The following EXOC2 variants were observed in gnomAD, a reference collection of about 807,000 sequenced individuals.
EXOC2 encodes the protein SEC5-like 1.
In EXOC2, 70 loss-of-function variants were observed where a neutral mutation model predicts 131.8. The observed-to-expected ratio is 0.53, with a 90% CI of 0.44 to 0.65. The LOEUF (loss-of-function observed/expected upper bound fraction) is 0.65, where lower values mean the gene tolerates loss of function less well. Among genes scored for constraint, EXOC2 ranks in the 30% least tolerant of loss-of-function variants. The pLI, the probability that EXOC2 is intolerant of heterozygous loss-of-function variation, is 0.00. For synonymous variants in EXOC2, 411 were observed against 398.4 expected, an observed-to-expected ratio of 1.03 and a Z score of -0.38; for missense variants, 923 against 1,108.6, an observed-to-expected ratio of 0.83 and a Z score of 2.38.
chr6:645,294 C>T (rs1425851497), intron 1 of EXOC2, among the ~76,000 whole-genome samples: 1 of 149,162 alleles, frequency 6.7e-6, no homozygotes, highest in African/African-American at 2.5e-5. Context: ...AAAATTATTT[C>T]AAAATGGCTC....
chr6:529,809 T>C lies in EXOC2; in HGVS notation c.2380+2660A>G, dbSNP rs567898059. Among the ~76,000 whole-genome samples the C allele has an allele frequency of 4.6e-5, 7 of 152,274 alleles. No homozygotes were observed. The South Asian group carries it at 6.2e-4, about 14-fold the overall frequency. On this transcript the variant is annotated intron_variant, in intron 23 of 27. Transcript: ENST00000230449. The stretch of plus-strand genomic sequence containing the variant: ...GTAATAGTTTACATAACTAAACAGA[T>C]AGAATTGCTGATGTGTTAGATGTGT...
chr6:562,011 G>A (rs531670691), intron 17 of EXOC2, among the ~76,000 whole-genome samples: 3 of 152,340 alleles, frequency 2.0e-5, no homozygotes, highest in Non-Finnish European at 2.9e-5. Flanking sequence ...GCAAGTTATG[G>A]CTCCTGGGAG....
chr6:645,596 T>A (rs1413630024), intron 1 of EXOC2, among the ~76,000 whole-genome samples: 1 of 152,196 alleles, frequency 6.6e-6, no homozygotes, highest in Non-Finnish European at 1.5e-5. Flanking sequence ...CAACCCTTTT[T>A]TTTTTGAGCA....
At chr6:648,266 T>C (rs1181897560) in intron 1 of EXOC2, among the ~76,000 whole-genome samples, 2 of 152,230 alleles carry the variant, frequency 1.3e-5, no homozygotes, top group Admixed American at 6.5e-5. Context: ...CTTATGTTTG[T>C]TGATATGTTC....
At chr6:610,838 A>T (rs1376485778) in intron 6 of EXOC2, among the ~76,000 whole-genome samples, 1 of 152,182 alleles carries the variant, frequency 6.6e-6, no homozygotes, top group Non-Finnish European at 1.5e-5. Context: ...AAGCCACCTC[A>T]AATTTTCTTT....
At chr6:682,843 GAATTCCTCTGAGCATTAGTTTAAC>G (rs1490764423) in intron 1 of EXOC2, among the ~76,000 whole-genome samples, 4 of 152,118 alleles carry the variant, frequency 2.6e-5, no homozygotes, top group African/African-American at 7.2e-5. Context: ...CTGTGCTTCA[GAATTCCTCTGAGCATTAGTTTAAC>G]ATCATTAGCA....
intron 1 of EXOC2, among the ~76,000 whole-genome samples, chr6:661,756 T>A (rs1048843603): frequency 6.6e-6 from 1 of 151,614 alleles, no homozygotes; most frequent in Non-Finnish European, 1.5e-5. Context: ...AAAAAAAAAG[T>A]ACACAGGCCA....
In EXOC2 at chr6:640,607, A is replaced by AT. The variant is rs1164591275; in HGVS notation, c.-43-2747dup. Among the ~76,000 whole-genome samples, 10 of 152,274 alleles carry AT rather than the reference A, an allele frequency of 6.6e-5. No individual in the cohort carries two copies. The East Asian group carries it at 1.9e-3, about 29-fold the overall frequency. ...AACGAGGTCACATGGGTGGGTCCTA[A>AT]TCCAGTATGACTGGTGTCCTTATTG... On this transcript the variant is annotated intron_variant, in intron 1 of 27. Coordinates refer to ENST00000230449, the MANE Select transcript of EXOC2 (RefSeq NM_018303.6).
At chr6:627,577 C>T (rs376900531) in intron 4 of EXOC2, among the ~76,000 whole-genome samples, 3 of 152,258 alleles carry the variant, frequency 2.0e-5, no homozygotes, top group South Asian at 4.1e-4. Flanking sequence ...GCCAGGGATT[C>T]CTGTCCACAG....
intron 1 of EXOC2, among the ~76,000 whole-genome samples, chr6:686,363 AT>A (rs1764654840): frequency 2.0e-5 from 3 of 152,336 alleles, no homozygotes; most frequent in Admixed American, 2.0e-4. Context: ...ATTTGTTTAT[AT>A]TTTAATTCTT....
intron 12 of EXOC2, among the ~76,000 whole-genome samples, chr6:574,412 C>CA (rs1758467248): frequency 1.3e-5 from 2 of 152,006 alleles, no homozygotes; most frequent in South Asian, 4.1e-4. Flanking sequence ...GATAAACACT[C>CA]AGAGTTTTTG....
In EXOC2 at chr6:622,070, G is replaced by C. The variant is rs373130699; in HGVS notation, c.423-2527C>G. 5.9e-5 allele frequency among the ~76,000 whole-genome samples: 9 copies of C among 152,278 alleles called. No homozygotes were observed. The South Asian group carries it at 1.9e-3, about 32-fold the overall frequency. On this transcript the variant is annotated intron_variant, in intron 4 of 27. Coordinates refer to ENST00000230449, the MANE Select transcript of EXOC2 (RefSeq NM_018303.6). ...GCATCTGCCTGGAGCACTGTGTGAG[G>C]GATCACGGGCTTTGTCTCAACTCAG...
At position 599,153 on chromosome 6, in the gene EXOC2, T is replaced by C. The variant is rs1300897671; in HGVS notation, c.815A>G (p.Asn272Ser). The C allele has an allele frequency of 1.9e-6, 3 of 1,613,374 alleles. No homozygotes were observed. The highest frequency in any genetic ancestry group is 2.2e-5 in the East Asian group (1 of 44,804). Residue 272 changes from asparagine to serine, a missense_variant, in exon 8 of 28, where the codon AAT becomes AGT. Physicochemically the swap from Asn to Ser is conservative, Grantham distance 46. Transcript: ENST00000230449. ...GRKDKADSTR[N>S]ALNVLQRFKF... ...AAATCGCTGAAGCACATTGAGTGCA[T>C]TTCTAGTGGAATCTGCCTTGTCTTT...
intron 1 of EXOC2, among the ~76,000 whole-genome samples, chr6:687,353 T>C (rs1212038170): frequency 6.6e-6 from 1 of 151,836 alleles, no homozygotes; most frequent in Admixed American, 6.6e-5. Flanking sequence ...GCTAACTTTT[T>C]TCTAATTTTT....
chr6:550,534 GGCC>G (rs1757089258), intron 21 of EXOC2, among the ~76,000 whole-genome samples: 2 of 152,144 alleles, frequency 1.3e-5, no homozygotes, highest in African/African-American at 4.8e-5. Flanking sequence ...ACAAGCGAAC[GGCC>G]TTGAGTTACT....
intron 22 of EXOC2, 149 bp downstream of exon 22, chr6:549,026 T>G: frequency 1.5e-6 from 1 of 688,818 alleles, no homozygotes; most frequent in Admixed American, 2.1e-5. Context: ...CATCCAAAGC[T>G]TTAGCAGGGT....
intron 1 of EXOC2, among the ~76,000 whole-genome samples, chr6:655,553 C>A (rs1763034319): frequency 6.6e-6 from 1 of 152,120 alleles, no homozygotes; most frequent in Non-Finnish European, 1.5e-5. Context: ...ACCTAATAAG[C>A]AATTCAAACT....
At chr6:657,139 G>C in intron 1 of EXOC2, 1 of 425,492 alleles carries the variant, frequency 2.4e-6, no homozygotes, top group East Asian at 3.6e-5. Context: ...AGCCACGGAA[G>C]GGCCTCCCAA....
At chr6:575,920 G>A (rs1012148026) in intron 12 of EXOC2, among the ~76,000 whole-genome samples, 23 of 152,074 alleles carry the variant, frequency 1.5e-4, no homozygotes, top group Admixed American at 7.9e-4. Context: ...AATGAGAATC[G>A]GACAAGAAGA....
Sources: gnomAD v4.1 joint callset for allele counts (sites outside exome capture counted in the v4.1 genomes callset) on GRCh38, gnomAD v4.1.1 for gene constraint, MANE v1.5 for transcripts, NCBI Gene and HGNC (gene_info 2026-07-23, HGNC 2026-07-21) for gene names.